NEGR1: variants seen among roughly 807,000 people sequenced by gnomAD.
NEGR1 encodes neuronal growth regulator 1, also known as IgLON family member 4.
NEGR1 carries 10 observed loss-of-function variants against 40.9 expected under a neutral mutation model. That is an observed-to-expected ratio of 0.24 (90% CI 0.15 to 0.42). NEGR1 has a LOEUF of 0.42. NEGR1 is among the 10% of genes least tolerant of loss of function. NEGR1 has a pLI of 1.00. For missense variants in NEGR1, 352 were observed against 438.9 expected, an observed-to-expected ratio of 0.80 and a Z score of 1.77; for synonymous variants, 185 against 166.8, an observed-to-expected ratio of 1.11 and a Z score of -0.84.
intron 1 of NEGR1, among the ~76,000 whole-genome samples, chr1:72,131,418 CAATT>C (rs1022794568): frequency 6.6e-6 from 1 of 152,024 alleles, no homozygotes; most frequent in African/African-American, 2.4e-5. Flanking sequence ...GGTAAAGAAA[CAATT>C]AAATTCCAGC....
chr1:71,738,595 A>T (rs1655111301), intron 3 of NEGR1, among the ~76,000 whole-genome samples: 1 of 151,910 alleles, frequency 6.6e-6, no homozygotes, highest in Non-Finnish European at 1.5e-5. Flanking sequence ...AGTAACCCTT[A>T]TATGTTGCCC....
chr1:72,088,824 G>A (rs1359640444), intron 1 of NEGR1, among the ~76,000 whole-genome samples: 1 of 41,000 alleles, frequency 2.4e-5, no homozygotes, highest in African/African-American at 1.0e-4. Flanking sequence ...TTTTTTTTTT[G>A]AGACGGAATG....
chr1:71,620,266 G>A lies in NEGR1; in HGVS notation c.668-9120C>T, dbSNP rs189056971. ...TAGAGTCTATAAAGAGGAAAAATCG[G>A]TCCTACAGAATCCACATGGTTTGAA... On this transcript the variant is annotated intron_variant, in intron 4 of 6. Coordinates refer to ENST00000357731, the MANE Select transcript of NEGR1 (RefSeq NM_173808.3). 3.8e-3 allele frequency among the ~76,000 whole-genome samples: 578 copies of A among 152,022 alleles called. 1 individual carries two copies. The highest frequency in any genetic ancestry group is 5.1e-3 in the Non-Finnish European group (344 of 67,896).
intron 1 of NEGR1, among the ~76,000 whole-genome samples, chr1:72,132,725 G>A (rs1188387400): frequency 6.6e-6 from 1 of 152,072 alleles, no homozygotes; most frequent in Non-Finnish European, 1.5e-5. Context: ...AGCCAATTGT[G>A]ATCTTCCATA....
At chr1:71,460,569 T>C (rs904482975) in intron 6 of NEGR1, among the ~76,000 whole-genome samples, 2 of 152,230 alleles carry the variant, frequency 1.3e-5, no homozygotes, top group Non-Finnish European at 2.9e-5. Context: ...TTGTTTTGAA[T>C]ATTATATCAG....
At chr1:71,999,797 A>C (rs1194379489) in intron 1 of NEGR1, among the ~76,000 whole-genome samples, 1 of 150,404 alleles carries the variant, frequency 6.6e-6, no homozygotes, top group Non-Finnish European at 1.5e-5. Flanking sequence ...TGAGATTTTA[A>C]GGCATTGCAC....
At position 71,910,489 on chromosome 1, in the gene NEGR1, A is replaced by C. The variant is rs1291106114; in HGVS notation, c.409+24590T>G. ...TTTGATATTGTTCACTAAAGGTAAT[A>C]ATGCTGATGCTGCTAGAGTGTAAAT... On this transcript the variant is annotated intron_variant, in intron 2 of 6. Coordinates refer to ENST00000357731, the MANE Select transcript of NEGR1 (RefSeq NM_173808.3). Among the ~76,000 whole-genome samples, 4 of 152,196 alleles carry C rather than the reference A, an allele frequency of 2.6e-5. No individual in the cohort carries two copies. In the South Asian group the frequency reaches 8.3e-4, roughly 32 times the overall value.
At chr1:71,743,428 A>G (rs759491714) in intron 3 of NEGR1, among the ~76,000 whole-genome samples, 5 of 151,642 alleles carry the variant, frequency 3.3e-5, no homozygotes, top group Non-Finnish European at 5.9e-5. Flanking sequence ...TTCCAAAGGC[A>G]GCCGGAGAAA....
Position 71,404,102 on chromosome 1 carries a change from T to G in NEGR1, c.*3344A>C, listed in dbSNP as rs1417608016. 1 of 234,682 alleles carries G rather than the reference T, an allele frequency of 4.3e-6. No homozygotes were observed. Among genetic ancestry groups the G allele is most frequent in the Non-Finnish European group, 8.2e-6 (1 of 122,078 alleles). The allele number at this position is 234,682 out of a possible 1,614,324, so 14.5% of individuals were successfully genotyped here. On this transcript the variant is annotated 3_prime_UTR_variant, in exon 7 of 7. Transcript: ENST00000357731. ...ATTTGATCATTATAGATGATTGACT[T>G]TGATAATTCAGTTTTTCAGAGTTTT... is the stretch of plus-strand genomic sequence containing the variant.
At chr1:71,438,816 T>C (rs920438094) in intron 6 of NEGR1, among the ~76,000 whole-genome samples, 3 of 152,132 alleles carry the variant, frequency 2.0e-5, no homozygotes, top group Non-Finnish European at 4.4e-5. Context: ...GGCCAGAACC[T>C]GAATATGCTG....
chr1:71,429,248 T>A (rs948193419), intron 6 of NEGR1, among the ~76,000 whole-genome samples: 1 of 152,166 alleles, frequency 6.6e-6, no homozygotes, highest in African/African-American at 2.4e-5. Flanking sequence ...CAAACTAGCA[T>A]GTAGTATTTA....
chr1:71,750,026 G>C (rs1337526504), intron 3 of NEGR1, among the ~76,000 whole-genome samples: 5 of 140,288 alleles, frequency 3.6e-5, no homozygotes, highest in Admixed American at 7.3e-5. Context: ...TCGCTCTGTC[G>C]CCCAGGCCGG....
chr1:72,199,046 T>C (rs1653103094), intron 1 of NEGR1, among the ~76,000 whole-genome samples: 1 of 151,958 alleles, frequency 6.6e-6, no homozygotes, highest in Non-Finnish European at 1.5e-5. Flanking sequence ...AGAATTTATC[T>C]GGATGTCACC....
chr1:71,809,641 T>C (rs1657916236), intron 2 of NEGR1, among the ~76,000 whole-genome samples: 1 of 152,138 alleles, frequency 6.6e-6, no homozygotes. Context: ...ATTAAATAAA[T>C]AAGAATGTCT....
chr1:71,717,648 C>T (rs1015004349), intron 3 of NEGR1, among the ~76,000 whole-genome samples: 28 of 152,154 alleles, frequency 1.8e-4, no homozygotes, highest in Admixed American at 1.6e-3. Flanking sequence ...ATTTGAGTAA[C>T]AATGCTTTAG....
intron 1 of NEGR1, among the ~76,000 whole-genome samples, chr1:72,144,063 CTG>C (rs1373655968): frequency 1.0e-5 from 1 of 98,374 alleles, no homozygotes; most frequent in African/African-American, 3.9e-5. Context: ...CCCTCAAATG[CTG>C]TGAGGTAAGA....
intron 1 of NEGR1, among the ~76,000 whole-genome samples, chr1:71,941,746 T>C (rs1645961581): frequency 6.7e-6 from 1 of 150,226 alleles, no homozygotes; most frequent in South Asian, 2.1e-4. Context: ...ACAATAGTAA[T>C]ATGTTAACAT....
chr1:71,758,019 G>A (rs1655801290), intron 3 of NEGR1, among the ~76,000 whole-genome samples: 1 of 151,724 alleles, frequency 6.6e-6, no homozygotes, highest in Non-Finnish European at 1.5e-5. Flanking sequence ...TAACAACCCT[G>A]TTACATTGCT....
intron 3 of NEGR1, among the ~76,000 whole-genome samples, chr1:71,719,441 C>T (rs1475317580): frequency 6.6e-6 from 1 of 152,048 alleles, no homozygotes; most frequent in Non-Finnish European, 1.5e-5. Flanking sequence ...CTTTTTGCCA[C>T]TCCCCTGTAT....
Sources: allele counts gnomAD v4.1 joint callset (sites outside exome capture counted in the v4.1 genomes callset), GRCh38; gene constraint gnomAD v4.1.1; transcripts MANE v1.5; gene names NCBI Gene and HGNC (gene_info 2026-07-23, HGNC 2026-07-21).